CD99: variants seen among roughly 807,000 people sequenced by gnomAD.
CD99 encodes CD99 molecule (Xg blood group).
Under a neutral mutation model 28.4 loss-of-function variants are expected in CD99, and 19 were observed. The observed-to-expected ratio is 0.67, with a 90% CI of 0.47 to 0.98. The LOEUF (loss-of-function observed/expected upper bound fraction) is 0.98. CD99 is among the 50% of genes least tolerant of loss of function. The pLI, the probability that CD99 is intolerant of heterozygous loss-of-function variation, is 0.00. For missense variants in CD99, 283 were observed against 248.8 expected (o/e 1.14, Z -0.92); for synonymous variants, 103 against 92.1 (o/e 1.12, Z -0.67).
chrX:2,706,483 C>A (rs5982836), intron 1 of CD99, among the ~76,000 whole-genome samples: 1 of 152,070 alleles, frequency 6.6e-6, no homozygotes, highest in Non-Finnish European at 1.5e-5. Flanking sequence ...CTACAATGTC[C>A]TGAAAGTTTC....
At chrX:2,729,396 C>T (rs311084) in intron 8 of CD99, among the ~76,000 whole-genome samples, 1 of 151,914 alleles carries the variant, frequency 6.6e-6, no homozygotes. Context: ...AAAGAGGATT[C>T]ATTGATTCAC....
chrX:2,724,044 TG>T (rs2049145626), intron 7 of CD99, among the ~76,000 whole-genome samples: 1 of 142,742 alleles, frequency 7.0e-6, no homozygotes, highest in Non-Finnish European at 1.5e-5. Flanking sequence ...GGAGGAAAAG[TG>T]GGTAGTCTAC....
chrX:2,727,465 G>A (rs576499579), intron 8 of CD99: 66 of 706,512 alleles, frequency 9.3e-5, no homozygotes, highest in African/African-American at 3.0e-4. Flanking sequence ...CCCATCGACC[G>A]GGAACAGCTA....
intron 8 of CD99, among the ~76,000 whole-genome samples, chrX:2,730,043 A>C (rs6642006): frequency 6.6e-6 from 1 of 151,118 alleles, no homozygotes; most frequent in Admixed American, 6.6e-5. Flanking sequence ...GGTCCCAACT[A>C]CTCTGGAGGC....
At chrX:2,722,927 G>T (rs182881798) in intron 6 of CD99, among the ~76,000 whole-genome samples, 2 of 152,304 alleles carry the variant, frequency 1.3e-5, no homozygotes, top group African/African-American at 4.8e-5. Context: ...GAGGGACAGG[G>T]CGTGATGAAT....
chrX:2,711,291 G>A (rs912657677), intron 1 of CD99, among the ~76,000 whole-genome samples: 2 of 147,238 alleles, frequency 1.4e-5, no homozygotes, highest in African/African-American at 5.0e-5. Context: ...TATATAGTAT[G>A]TATATATAGT....
chrX:2,709,361 G>A (rs1240197530), intron 1 of CD99, among the ~76,000 whole-genome samples: 1 of 148,922 alleles, frequency 6.7e-6, no homozygotes, highest in Non-Finnish European at 1.5e-5. Flanking sequence ...GCACACAGGT[G>A]TGTGCTCAGA....
intron 8 of CD99, among the ~76,000 whole-genome samples, chrX:2,731,537 C>T (rs773758480): frequency 5.9e-5 from 9 of 152,072 alleles, no homozygotes; most frequent in Admixed American, 1.3e-4. Flanking sequence ...TGCAGTGAGC[C>T]GAGATCGAGC....
At chrX:2,737,045 G>C (rs1240270083) in intron 8 of CD99, among the ~76,000 whole-genome samples, 4 of 151,962 alleles carry the variant, frequency 2.6e-5, no homozygotes, top group Non-Finnish European at 5.9e-5. Flanking sequence ...TTCTGAGGGA[G>C]GTAGAAGGGG....
intron 2 of CD99, among the ~76,000 whole-genome samples, chrX:2,717,213 T>G (rs1322844052): frequency 6.6e-6 from 1 of 152,030 alleles, no homozygotes; most frequent in East Asian, 1.9e-4. Flanking sequence ...CCGGGAGTGA[T>G]GGCATGCACC....
intron 1 of CD99, among the ~76,000 whole-genome samples, chrX:2,707,345 A>AAAAG (rs1443540414): frequency 6.6e-6 from 1 of 150,940 alleles, no homozygotes; most frequent in Non-Finnish European, 1.5e-5. Context: ...AAAAGAAAAG[A>AAAAG]AAAGAAAAAA....
At chrX:2,729,958 G>T (rs1448189298) in intron 8 of CD99, among the ~76,000 whole-genome samples, 4 of 151,866 alleles carry the variant, frequency 2.6e-5, no homozygotes, top group Admixed American at 6.6e-5. Flanking sequence ...TTCAAGATCA[G>T]CCTGGGCAAC....
intron 2 of CD99, 55 bp downstream of exon 2, chrX:2,714,509 A>G (rs1198069031): frequency 1.5e-6 from 2 of 1,370,404 alleles, no homozygotes; most frequent in East Asian, 2.3e-5. Flanking sequence ...TTAACATAGT[A>G]TATACAGGCA....
At chrX:2,702,174 C>T (rs144107134) in intron 1 of CD99, among the ~76,000 whole-genome samples, 1,830 of 152,234 alleles carry the variant, frequency 0.012, 34 homozygotes, top group African/African-American at 0.042. Context: ...GAGAGGATCA[C>T]GGAGGGCTTC....
chrX:2,706,082 G>T (rs1241698131), intron 1 of CD99, among the ~76,000 whole-genome samples: 1 of 148,566 alleles, frequency 6.7e-6, no homozygotes, highest in African/African-American at 2.5e-5. Context: ...AAAAAGAGCC[G>T]GGCGCGGTGG....
Position 2,706,081 on chromosome X carries a change from C to T in CD99, c.68-8341C>T, listed in dbSNP as rs774130499. 6.9e-4 allele frequency among the ~76,000 whole-genome samples: 101 copies of T among 145,338 alleles called. No individual in the cohort carries two copies. The East Asian group carries it at 0.014, about 21-fold the overall frequency. On this transcript the variant is annotated intron_variant, in intron 1 of 9. Transcript: ENST00000381192. ...TTAAAAAGAAAAAAAAAAAAAGAGC[C>T]GGGCGCGGTGGCTCACGCCTGTCAT...
chrX:2,737,223 G>A (rs868556690), intron 8 of CD99, among the ~76,000 whole-genome samples: 11 of 151,982 alleles, frequency 7.2e-5, no homozygotes, highest in Admixed American at 2.0e-4. Flanking sequence ...TGTCACCCAC[G>A]CTGGAGTGCA....
rs199746750 is a variant in CD99, at chrX:2,722,666, G to A, written c.302G>A (p.Gly101Asp). ...SDADLADGVSGGEGKGGSDGG... is the reference protein window; with the variant it reads ...SDADLADGVSDGEGKGGSDGG... Reference sequence around the variant, plus strand: ...GCTGACCTTGCGGATGGCGTTTCAGGTGGAGAAGGTACAGTTATCTTGTTT... The same window carrying A: ...GCTGACCTTGCGGATGGCGTTTCAGATGGAGAAGGTACAGTTATCTTGTTT... The change falls in exon 6 of 10, where the codon GGT becomes GAT. Residue 101 changes from glycine (G) to aspartate (D), a missense_variant. Coordinates refer to ENST00000381192, the MANE Select transcript of CD99 (RefSeq NM_002414.5). 12 of 1,613,958 alleles carry A rather than the reference G, an allele frequency of 7.4e-6. No homozygotes were observed. The South Asian group carries it at 8.8e-5, about 12-fold the overall frequency.
chrX:2,740,865 T>G lies in CD99; in HGVS notation c.*61T>G, dbSNP rs1298313989. 1 of 1,589,004 alleles carries G rather than the reference T, an allele frequency of 6.3e-7. No homozygotes were observed. The highest frequency in any genetic ancestry group is 2.2e-5 in the East Asian group (1 of 44,774). On this transcript the variant is annotated 3_prime_UTR_variant, in exon 10 of 10. Transcript: ENST00000381192. ...CAGGGTTAGAACAGCTGCCTGAGGC[T>G]CCTCCCTGAAGGACACCTGCCTGAG...
Sources: gnomAD v4.1 joint callset for allele counts (sites outside exome capture counted in the v4.1 genomes callset) on GRCh38, gnomAD v4.1.1 for gene constraint, MANE v1.5 for transcripts, NCBI Gene and HGNC (gene_info 2026-07-23, HGNC 2026-07-21) for gene names.